PALLD: variants seen among roughly 807,000 people sequenced by gnomAD.
PALLD encodes the protein palladin, cytoskeletal associated protein.
PALLD carries 61 observed loss-of-function variants against 123.5 expected under a neutral mutation model. The ratio of observed to expected loss-of-function variants is 0.49; its 90% CI spans 0.40 to 0.61. The LOEUF (loss-of-function observed/expected upper bound fraction) is 0.61. Among genes scored for constraint, PALLD ranks in the 20% least tolerant of loss-of-function variants. PALLD has a pLI of 0.00. For synonymous variants in PALLD, 465 were observed against 496.4 expected, an observed-to-expected ratio of 0.94 and a Z score of 0.84; for missense variants, 1,273 against 1,377.0, an observed-to-expected ratio of 0.92 and a Z score of 1.20.
chr4:168,625,527 G>GATA (rs1775180849), intron 2 of PALLD, among the ~76,000 whole-genome samples: 3 of 26,770 alleles, frequency 1.1e-4, no homozygotes, highest in East Asian at 1.8e-3. Flanking sequence ...ATCCTATAAG[G>GATA]GGTTAATATT....
chr4:168,784,856 A>C (rs1401694145), intron 10 of PALLD, among the ~76,000 whole-genome samples: 1 of 152,148 alleles, frequency 6.6e-6, no homozygotes. Flanking sequence ...GCAGAGCCAC[A>C]AACAATGCCG....
At chr4:168,925,192 C>CA in intron 20 of PALLD, 41 bp from the exon 21 acceptor site, 1 of 1,561,186 alleles carries the variant, frequency 6.4e-7, no homozygotes, top group Non-Finnish European at 8.7e-7. Flanking sequence ...TTTTATTTGT[C>CA]AAAAAAATTC....
chr4:168,837,443 T>G (rs144436782), intron 10 of PALLD, among the ~76,000 whole-genome samples: 87 of 152,384 alleles, frequency 5.7e-4, no homozygotes, highest in African/African-American at 1.8e-3. Context: ...ATCTTATTTT[T>G]CTTTTTCATG....
At chr4:168,731,211 T>C (rs1787138193) in intron 10 of PALLD, among the ~76,000 whole-genome samples, 1 of 152,210 alleles carries the variant, frequency 6.6e-6, no homozygotes, top group Non-Finnish European at 1.5e-5. Flanking sequence ...CCAGTGAACT[T>C]ACAGTTTCAC....
chr4:168,812,971 G>C (rs1741380211), intron 10 of PALLD, among the ~76,000 whole-genome samples: 1 of 151,636 alleles, frequency 6.6e-6, no homozygotes, highest in African/African-American at 2.4e-5. Flanking sequence ...CAGGCTGTTT[G>C]AAAGAATGCT....
intron 10 of PALLD, among the ~76,000 whole-genome samples, chr4:168,879,035 CAT>C (rs1752252769): frequency 6.6e-6 from 1 of 152,124 alleles, no homozygotes; most frequent in African/African-American, 2.4e-5. Flanking sequence ...GGGGCAAAAG[CAT>C]GTAAATGTCT....
Position 168,797,797 on chromosome 4 carries a change from C to T in PALLD, c.1964+85874C>T, listed in dbSNP as rs115207180. Among the ~76,000 whole-genome samples the T allele has an allele frequency of 6.6e-3, 1,000 of 152,164 alleles. 14 individuals carry two copies. The highest frequency in any genetic ancestry group is 0.031 in the Middle Eastern group (9 of 294). ...TTTTTGTTTGTTGTTATACCGATTG[C>T]CATATTAGCTCCCTCTTCTACCACC... On this transcript the variant is annotated intron_variant, in intron 10 of 21. Coordinates refer to ENST00000505667, the MANE Select transcript of PALLD (RefSeq NM_001166108.2).
chr4:168,647,673 C>T lies in PALLD; in HGVS notation c.909-20517C>T, dbSNP rs554286759. Among the ~76,000 whole-genome samples, 1,317 of 151,442 alleles carry T rather than the reference C, an allele frequency of 8.7e-3. 6 individuals carry two copies. The highest frequency in any genetic ancestry group is 0.015 in the Non-Finnish European group (1,004 of 67,900). ...GTGCACACCTGTAATCTCAGCTACT[C>T]CGGAGGCTGAGACAGAAGAATAGCT... On this transcript the variant is annotated intron_variant, in intron 2 of 21. Transcript: ENST00000505667.
At chr4:168,713,633 G>C (rs975225756) in intron 10 of PALLD, among the ~76,000 whole-genome samples, 6 of 152,096 alleles carry the variant, frequency 3.9e-5, no homozygotes, top group Admixed American at 1.3e-4. Flanking sequence ...ATATGGCAAG[G>C]GGGTAATATC....
At chr4:168,633,621 A>T (rs1027343165) in intron 2 of PALLD, among the ~76,000 whole-genome samples, 3 of 148,074 alleles carry the variant, frequency 2.0e-5, no homozygotes, top group African/African-American at 8.0e-5. Context: ...ATCTCCCTTC[A>T]TTTAAATGAA....
intron 2 of PALLD, among the ~76,000 whole-genome samples, chr4:168,551,646 T>C (rs1321442547): frequency 6.6e-6 from 1 of 152,126 alleles, no homozygotes; most frequent in African/African-American, 2.4e-5. Flanking sequence ...ATAAAAATGA[T>C]GTTTCATTTT....
chr4:168,685,358 G>T (rs1319392475), intron 5 of PALLD, 127 bp from the exon 6 acceptor site: 11 of 754,360 alleles, frequency 1.5e-5, no homozygotes, highest in Non-Finnish European at 2.4e-5. Flanking sequence ...GCAAAATGAT[G>T]TATGGTGGTA....
At chr4:168,811,478 T>TAATGCCAGC (rs1300295190) in intron 10 of PALLD, among the ~76,000 whole-genome samples, 1 of 152,184 alleles carries the variant, frequency 6.6e-6, no homozygotes, top group Non-Finnish European at 1.5e-5. Flanking sequence ...CACATGCCTG[T>TAATGCCAGC]AATGCCAGCA....
chr4:168,809,336 TCTTC>T (rs915525585), intron 10 of PALLD, among the ~76,000 whole-genome samples: 8 of 100,586 alleles, frequency 8.0e-5, no homozygotes, highest in African/African-American at 2.1e-4. Context: ...TTCTTCTTCT[TCTTC>T]TTTTTTTTTT....
At chr4:168,802,563 G>A (rs1739502328) in intron 10 of PALLD, among the ~76,000 whole-genome samples, 1 of 152,204 alleles carries the variant, frequency 6.6e-6, no homozygotes, top group African/African-American at 2.4e-5. Flanking sequence ...AATAGACACT[G>A]CAGACGACTA....
intron 10 of PALLD, among the ~76,000 whole-genome samples, chr4:168,786,747 ATTT>A (rs1228484976): frequency 1.3e-5 from 2 of 152,250 alleles, no homozygotes; most frequent in Non-Finnish European, 2.9e-5. Flanking sequence ...TTGAATTTTA[ATTT>A]CAGAATATTA....
intron 2 of PALLD, among the ~76,000 whole-genome samples, chr4:168,548,575 G>A (rs1002628474): frequency 2.6e-5 from 4 of 152,126 alleles, no homozygotes; most frequent in African/African-American, 7.2e-5. Context: ...AGAGTCTGGC[G>A]AAATGGTCTG....
intron 10 of PALLD, among the ~76,000 whole-genome samples, 156 bp from the exon 11 acceptor site, chr4:168,890,766 T>G (rs1032159492): frequency 1.3e-5 from 2 of 152,200 alleles, no homozygotes; most frequent in African/African-American, 4.8e-5. Context: ...GAACCAGCTT[T>G]CATGGTTCTT....
At chr4:168,706,798 CTA>C (rs979235728) in intron 8 of PALLD, among the ~76,000 whole-genome samples, 11 of 152,052 alleles carry the variant, frequency 7.2e-5, no homozygotes, top group African/African-American at 2.7e-4. Context: ...ACATCAAAAA[CTA>C]TATAGTTTGA....
Sources: gnomAD v4.1 joint callset for allele counts (sites outside exome capture counted in the v4.1 genomes callset) on GRCh38, gnomAD v4.1.1 for gene constraint, MANE v1.5 for transcripts, NCBI Gene and HGNC (gene_info 2026-07-23, HGNC 2026-07-21) for gene names.